The following ASB13 variants were observed in gnomAD, a reference collection of about 807,000 sequenced individuals.
The protein encoded by ASB13 is ankyrin repeat and SOCS box protein 13.
A neutral mutation model predicts 28.8 loss-of-function variants in ASB13; 33 were observed. The ratio of observed to expected loss-of-function variants is 1.15; its 90% confidence interval spans 0.87 to 1.53. The LOEUF (loss-of-function observed/expected upper bound fraction) is 1.53. Ranked by LOEUF, ASB13 falls within the 40% of genes most tolerant of loss-of-function variation. The pLI is 0.00. For synonymous variants in ASB13, 182 were observed against 172.9 expected (o/e 1.05, Z -0.41); for missense variants, 414 against 390.1 (o/e 1.06, Z -0.52).
chr10:5,653,145 G>T (rs996972691), intron 1 of ASB13, 95 bp from the exon 2 acceptor site: 21 of 1,230,582 alleles, frequency 1.7e-5, no homozygotes, highest in Non-Finnish European at 2.1e-5. Flanking sequence ...TGCCACCAAG[G>T]CACCATCCGT....
Position 5,651,439 on chromosome 10 carries a change from C to A in ASB13, c.232-76G>T, listed in dbSNP as rs1834983304. ...CCACTTTCCCATCCTGCTGCAGGTT[C>A]ATCTTTGCTAAGATGCTTCTTAGAA... On this transcript the variant is annotated intron_variant, in intron 2 of 5. Coordinates refer to ENST00000357700, the MANE Select transcript of ASB13 (RefSeq NM_024701.4). This position sits in a 1 kb window ranked among gnomAD's most constrained non-coding sequence, Gnocchi z 5.1. 4.2e-6 allele frequency: 6 copies of A among 1,439,490 alleles called. No individual in the cohort carries two copies. The highest frequency in any genetic ancestry group is 5.6e-6 in the Non-Finnish European group (6 of 1,074,818). 89.2% of individuals were successfully genotyped at this position (1,439,490 alleles called of 1,614,324 possible).
At position 5,652,728 on chromosome 10, in the gene ASB13, G is replaced by C; in HGVS notation, c.231+135C>G. ...AGGTCCACGAGCACTTCTCAGCCAT[G>C]GGCTTCCTGGTACCTGTGTGCAGTG... On this transcript the variant is annotated intron_variant, in intron 2 of 5. Coordinates refer to ENST00000357700, the MANE Select transcript of ASB13 (RefSeq NM_024701.4). This position sits in a 1 kb window ranked among gnomAD's most constrained non-coding sequence, Gnocchi z 5.0. 1 of 926,104 alleles carries C rather than the reference G, an allele frequency of 1.1e-6. No individual in the cohort carries two copies. The highest frequency in any genetic ancestry group is 1.5e-6 in the Non-Finnish European group (1 of 673,092). 57.4% of individuals were successfully genotyped at this position (926,104 alleles called of 1,614,324 possible). A position where few individuals can be genotyped will look rare whatever the true frequency, so the allele number is the denominator to read the frequency against.
intron 1 of ASB13, among the ~76,000 whole-genome samples, chr10:5,654,662 T>C (rs991046921): frequency 2.6e-5 from 4 of 152,170 alleles, no homozygotes; most frequent in African/African-American, 9.7e-5. Flanking sequence ...TGATGACATA[T>C]CCTTATTGTC....
In ASB13 at chr10:5,652,419, G is replaced by A. The variant is rs1835002246; in HGVS notation, c.231+444C>T. Among the ~76,000 whole-genome samples the A allele has an allele frequency of 6.6e-6, 1 of 152,172 alleles. No individual in the cohort carries two copies. Among genetic ancestry groups the A allele is most frequent in the Admixed American group, 6.5e-5 (1 of 15,278 alleles). On this transcript the variant is annotated intron_variant, in intron 2 of 5. Transcript: ENST00000357700. The surrounding 1 kb of genome is among the most constrained non-coding windows in gnomAD (Gnocchi z 5.0). ...AGAAACCCCCGGTGGCTTAATACTA[G>A]CCAGGGTGGGAACATTTACACCAGG...
At chr10:5,646,450 A>G (rs1436582580) in intron 4 of ASB13, among the ~76,000 whole-genome samples, 2 of 152,234 alleles carry the variant, frequency 1.3e-5, no homozygotes, top group Non-Finnish European at 2.9e-5. Context: ...TAAAACAGGA[A>G]ACGTCTGGCG....
chr10:5,644,826 A>C lies in ASB13; in HGVS notation c.518-2865T>G, dbSNP rs1271260240. Among the ~76,000 whole-genome samples the C allele has an allele frequency of 6.6e-6, 1 of 152,160 alleles. No individual in the cohort carries two copies. The highest frequency in any genetic ancestry group is 1.5e-5 in the Non-Finnish European group (1 of 68,022). On this transcript the variant is annotated intron_variant, in intron 4 of 5. Coordinates refer to ENST00000357700, the MANE Select transcript of ASB13 (RefSeq NM_024701.4). This position sits in a 1 kb window ranked among gnomAD's most constrained non-coding sequence, Gnocchi z 5.1. ...GAACGAGACTCCATCTCAGAAAAAA[A>C]AGAAAGAAAGAAGGGAACAGATACA... is the stretch of plus-strand genomic sequence containing the variant.
At position 5,664,589 on chromosome 10, in the gene ASB13, G is replaced by A. The variant is rs4747987; in HGVS notation, c.43+1920C>T. Among the ~76,000 whole-genome samples the A allele has an allele frequency of 0.035, 5,403 of 152,240 alleles. 151 individuals are homozygous for A. The highest frequency in any genetic ancestry group is 0.1 in the Admixed American group (1,535 of 15,288). On this transcript the variant is annotated intron_variant, in intron 1 of 5. Coordinates refer to ENST00000357700, the MANE Select transcript of ASB13 (RefSeq NM_024701.4). The surrounding 1 kb of genome is among the most constrained non-coding windows in gnomAD (Gnocchi z 4.2). ...CTGGAGGACCCTGGGGGGAACGTAC[G>A]GGGGAGTGGGGGAGCAGCCAGTAGG... is the stretch of plus-strand genomic sequence containing the variant.
rs1043199227 is a variant in ASB13 at position 5,664,509 on chromosome 10, T to C, written c.43+2000A>G. ...CATAGCAAGTGGCTCAGCTGCAATA[T>C]TCACAGTCACAATAATGTCAACACT... is the stretch of plus-strand genomic sequence containing the variant. On this transcript the variant is annotated intron_variant, in intron 1 of 5. Coordinates refer to ENST00000357700, the MANE Select transcript of ASB13 (RefSeq NM_024701.4). The surrounding 1 kb of genome is among the most constrained non-coding windows in gnomAD (Gnocchi z 4.2). Among the ~76,000 whole-genome samples, 1 of 137,002 alleles carries C rather than the reference T, an allele frequency of 7.3e-6. No individual in the cohort carries two copies. The allele number at this position is 137,002 out of a possible 152,430, so 89.9% of individuals were successfully genotyped here. A position where few individuals can be genotyped will look rare whatever the true frequency, so the allele number is the denominator to read the frequency against.
Position 5,652,204 on chromosome 10 carries a change from T to A in ASB13, c.231+659A>T, listed in dbSNP as rs1167680080. Among the ~76,000 whole-genome samples, 1 of 152,134 alleles carries A rather than the reference T, an allele frequency of 6.6e-6. No homozygotes were observed. Among genetic ancestry groups the A allele is most frequent in the African/African-American group, 2.4e-5 (1 of 41,412 alleles). Reference sequence around the variant, plus strand: ...TGTCCAAATTCAAATTCTATTTGGGTACACACTGAAATCGGTTCCATTCCA... The same window carrying A: ...TGTCCAAATTCAAATTCTATTTGGGAACACACTGAAATCGGTTCCATTCCA... On this transcript the variant is annotated intron_variant, in intron 2 of 5. Transcript: ENST00000357700. This position sits in a 1 kb window ranked among gnomAD's most constrained non-coding sequence, Gnocchi z 5.0.
rs980659759 is a variant in ASB13, at chr10:5,661,325, C to T, written c.43+5184G>A. 2.0e-5 allele frequency among the ~76,000 whole-genome samples: 3 copies of T among 152,186 alleles called. No individual in the cohort carries two copies. Among genetic ancestry groups the T allele is most frequent in the Non-Finnish European group, 4.4e-5 (3 of 68,022 alleles). On this transcript the variant is annotated intron_variant, in intron 1 of 5. Transcript: ENST00000357700. This position sits in a 1 kb window ranked among gnomAD's most constrained non-coding sequence, Gnocchi z 4.9. ...AAGCAGCAGAGCCACTTGCCCCCAA[C>T]CCCGCCCCGCCGAGCCTGGGGCCTC...
At chr10:5,662,155 C>A (rs1368115251) in intron 1 of ASB13, among the ~76,000 whole-genome samples, 1 of 152,002 alleles carries the variant, frequency 6.6e-6, no homozygotes, top group Non-Finnish European at 1.5e-5. Flanking sequence ...TGACATAGCC[C>A]CCCAGGGTCC....
chr10:5,654,033 T>G (rs1835032385), intron 1 of ASB13, among the ~76,000 whole-genome samples: 1 of 151,870 alleles, frequency 6.6e-6, no homozygotes, highest in Non-Finnish European at 1.5e-5. Flanking sequence ...TGCAGTGCAA[T>G]GTGGAACAAA....
rs1224839624 is a variant in ASB13 at position 5,659,298 on chromosome 10, T to C, written c.44-6248A>G. On this transcript the variant is annotated intron_variant, in intron 1 of 5. Transcript: ENST00000357700. The surrounding 1 kb of genome is among the most constrained non-coding windows in gnomAD (Gnocchi z 5.8). ...CGTTCTGCCCCTAAATCCCACCCAC[T>C]GCTGCCACATAATAGGTTGCCCCCT... is the stretch of plus-strand genomic sequence containing the variant. 5.3e-5 allele frequency among the ~76,000 whole-genome samples: 8 copies of C among 152,110 alleles called. No individual in the cohort carries two copies. Among genetic ancestry groups the C allele is most frequent in the Non-Finnish European group, 1.0e-4 (7 of 68,016 alleles).
intron 4 of ASB13, among the ~76,000 whole-genome samples, chr10:5,646,856 G>A (rs974308403): frequency 1.6e-4 from 25 of 152,148 alleles, no homozygotes; most frequent in African/African-American, 5.6e-4. Flanking sequence ...AACGCACTGC[G>A]CTGTGTTCAT....
intron 1 of ASB13, among the ~76,000 whole-genome samples, chr10:5,665,854 T>C (rs1026335292): frequency 6.6e-6 from 1 of 152,168 alleles, no homozygotes; most frequent in African/African-American, 2.4e-5. Flanking sequence ...TCAGTGACCA[T>C]ATTATTGCTT....
chr10:5,647,122 AC>A (rs1009705788), intron 4 of ASB13, among the ~76,000 whole-genome samples: 2 of 152,146 alleles, frequency 1.3e-5, no homozygotes, highest in Admixed American at 1.3e-4. Context: ...CTGTTCCCAA[AC>A]AGGTTTGTTC....
Position 5,649,218 on chromosome 10 carries a change from CAG to C in ASB13, c.383-116_383-115del. The C allele has an allele frequency of 6.8e-7, 1 of 1,462,550 alleles. No individual in the cohort carries two copies. The highest frequency in any genetic ancestry group is 9.3e-7 in the Non-Finnish European group (1 of 1,071,382). 90.6% of individuals were successfully genotyped at this position (1,462,550 alleles called of 1,614,324 possible). A position where few individuals can be genotyped will look rare whatever the true frequency, so the allele number is the denominator to read the frequency against. ...CATCCTTGGTGCAGGGCAGGGAAGCCAGGCAGGCCTGCGTCCCAACCTAGGGA... is the reference window on the plus strand; with the variant it reads ...CATCCTTGGTGCAGGGCAGGGAAGCCGCAGGCCTGCGTCCCAACCTAGGGA... On this transcript the variant is annotated intron_variant, in intron 3 of 5. Transcript: ENST00000357700. The surrounding 1 kb of genome is among the most constrained non-coding windows in gnomAD (Gnocchi z 6.4).
Position 5,641,655 on chromosome 10 carries a change from G to T in ASB13, c.709+115C>A. 1.7e-6 allele frequency: 2 copies of T among 1,143,840 alleles called. No individual in the cohort carries two copies. The highest frequency in any genetic ancestry group is 2.5e-6 in the Non-Finnish European group (2 of 814,804). 70.9% of individuals were successfully genotyped at this position (1,143,840 alleles called of 1,614,324 possible). A position where few individuals can be genotyped will look rare whatever the true frequency, so the allele number is the denominator to read the frequency against. ...CTTAAGGGTCTGTCCTAGCGCAGAGGACAGGAGCCAGGACTAACAGCCCAG... is the reference window on the plus strand; with the variant it reads ...CTTAAGGGTCTGTCCTAGCGCAGAGTACAGGAGCCAGGACTAACAGCCCAG... On this transcript the variant is annotated intron_variant, in intron 5 of 5. Transcript: ENST00000357700. The surrounding 1 kb of genome is among the most constrained non-coding windows in gnomAD (Gnocchi z 8.4).
intron 1 of ASB13, among the ~76,000 whole-genome samples, chr10:5,654,393 T>A (rs761981027): frequency 1.3e-5 from 2 of 152,106 alleles, no homozygotes; most frequent in Non-Finnish European, 2.9e-5. Context: ...CCTACAGGAA[T>A]GGCAAAGCCG....
Sources: gnomAD v4.1 joint callset for allele counts (sites outside exome capture counted in the v4.1 genomes callset) on GRCh38, gnomAD v4.1.1 for gene constraint, Gnocchi (gnomAD v3.1) non-coding constraint, MANE v1.5 for transcripts, NCBI Gene and HGNC (gene_info 2026-07-23, HGNC 2026-07-21) for gene names.